NPAS3: variants seen among roughly 807,000 people sequenced by gnomAD.
NPAS3 encodes the protein neuronal PAS domain-containing protein 3.
Under a neutral mutation model 73.1 loss-of-function variants are expected in NPAS3, and 14 were observed. That is an observed-to-expected ratio of 0.19 (90% CI 0.13 to 0.30). The LOEUF is 0.30. NPAS3 is among the 10% of genes least tolerant of loss of function. The pLI is 1.00. For synonymous variants in NPAS3, 620 were observed against 541.5 expected (o/e 1.14, Z -2.01); for missense variants, 1,096 against 1,250.0 (o/e 0.88, Z 1.86).
chr14:33,195,764 T>C (rs2046330571), intron 2 of NPAS3, among the ~76,000 whole-genome samples: 1 of 152,228 alleles, frequency 6.6e-6, no homozygotes, highest in African/African-American at 2.4e-5. Context: ...TGATTTTGGT[T>C]AAGCCAGTTT....
rs151099881 is a variant in NPAS3, at chr14:33,799,801, C to T, written c.1494C>T (p.Pro498=). 1.7e-5 allele frequency: 28 copies of T among 1,612,788 alleles called. No individual in the cohort carries two copies. The Middle Eastern group carries it at 4.9e-4, about 28-fold the overall frequency. ...CCGAGAACAGCGAAGACCCGGAGCC[C>T]GACCGGAAGAAGTCGGGCAACGCGT... The change falls in exon 12 of 12, where the codon CCC becomes CCT. Residue 498 remains proline, a synonymous_variant. Transcript: ENST00000356141.
At chr14:33,265,650 G>T (rs905360188) in intron 3 of NPAS3, among the ~76,000 whole-genome samples, 1 of 152,168 alleles carries the variant, frequency 6.6e-6, no homozygotes, top group Non-Finnish European at 1.5e-5. Context: ...TGAGAAAAGT[G>T]AGGTGGAGAG....
At chr14:32,995,476 C>T (rs966974132) in intron 1 of NPAS3, among the ~76,000 whole-genome samples, 1 of 152,350 alleles carries the variant, frequency 6.6e-6, no homozygotes, top group South Asian at 2.1e-4. Context: ...GGGATGGCCT[C>T]TTTAAAAGCT....
intron 5 of NPAS3, among the ~76,000 whole-genome samples, chr14:33,589,675 A>G (rs2056994108): frequency 6.6e-6 from 1 of 151,980 alleles, no homozygotes; most frequent in African/African-American, 2.4e-5. Flanking sequence ...CCTTAATCAT[A>G]CTTGAAAAAA....
intron 2 of NPAS3, among the ~76,000 whole-genome samples, chr14:33,161,589 T>C (rs771479229): frequency 1.3e-5 from 2 of 152,326 alleles, no homozygotes; most frequent in South Asian, 2.1e-4. Context: ...ACTGGTTCTG[T>C]AGTCTTAAAG....
chr14:33,602,404 A>G (rs2057426542), intron 5 of NPAS3, among the ~76,000 whole-genome samples: 1 of 152,206 alleles, frequency 6.6e-6, no homozygotes, highest in South Asian at 2.1e-4. Flanking sequence ...TGTTATCAGG[A>G]GTAGAAGTCT....
In NPAS3 at chr14:33,478,224, T is replaced by C. The variant is rs146463801; in HGVS notation, c.469-81897T>C. 8.3e-4 allele frequency among the ~76,000 whole-genome samples: 126 copies of C among 152,302 alleles called. 1 individual carries two copies. The highest frequency in any genetic ancestry group is 2.9e-3 in the African/African-American group (122 of 41,562). ...ATGGATTTTGCACCACTTTAAGCACTAATAACATTAAATCAACCTTAATAC... is the reference window on the plus strand; with the variant it reads ...ATGGATTTTGCACCACTTTAAGCACCAATAACATTAAATCAACCTTAATAC... On this transcript the variant is annotated intron_variant, in intron 4 of 11. Coordinates refer to ENST00000356141, the Ensembl canonical transcript of NPAS3.
intron 6 of NPAS3, among the ~76,000 whole-genome samples, chr14:33,711,248 G>A (rs1301065745): frequency 6.6e-6 from 1 of 152,070 alleles, no homozygotes; most frequent in African/African-American, 2.4e-5. Context: ...AGGTGACAGG[G>A]AAAAAAATCT....
At chr14:33,574,467 C>T (rs1161757331) in intron 5 of NPAS3, among the ~76,000 whole-genome samples, 1 of 152,138 alleles carries the variant, frequency 6.6e-6, no homozygotes, top group Non-Finnish European at 1.5e-5. Flanking sequence ...CATTGGCTAG[C>T]GCCCATGAAG....
intron 7 of NPAS3, among the ~76,000 whole-genome samples, chr14:33,764,334 G>T (rs2062391838): frequency 6.6e-6 from 1 of 152,154 alleles, no homozygotes; most frequent in South Asian, 2.1e-4. Flanking sequence ...CAAACAAAGA[G>T]AAACAAAGTT....
chr14:33,281,248 T>G (rs1279808636), intron 3 of NPAS3, among the ~76,000 whole-genome samples: 1 of 152,218 alleles, frequency 6.6e-6, no homozygotes, highest in African/African-American at 2.4e-5. Flanking sequence ...ATGGTAGATT[T>G]CTTAGATTTC....
intron 7 of NPAS3, among the ~76,000 whole-genome samples, chr14:33,746,883 A>G (rs1005650346): frequency 1.3e-5 from 2 of 149,344 alleles, no homozygotes; most frequent in Admixed American, 1.3e-4. Context: ...TCCCAATGCT[A>G]TCCCTCCCCC....
chr14:33,132,972 T>A (rs1191927012), intron 2 of NPAS3, among the ~76,000 whole-genome samples: 1 of 152,172 alleles, frequency 6.6e-6, no homozygotes, highest in Non-Finnish European at 1.5e-5. Context: ...ACAACTAATA[T>A]CATAGTACCA....
At chr14:33,558,606 G>T in intron 4 of NPAS3, among the ~76,000 whole-genome samples, 1 of 151,762 alleles carries the variant, frequency 6.6e-6, no homozygotes, top group Non-Finnish European at 1.5e-5. Flanking sequence ...ATATATGTGT[G>T]TGCATCTGTA....
At chr14:33,125,965 A>G (rs1314200143) in intron 2 of NPAS3, among the ~76,000 whole-genome samples, 2 of 152,156 alleles carry the variant, frequency 1.3e-5, no homozygotes, top group Non-Finnish European at 2.9e-5. Context: ...TTTGAACACA[A>G]ATGGCAGTTG....
chr14:33,155,909 C>G (rs2044630083), intron 2 of NPAS3, among the ~76,000 whole-genome samples: 1 of 152,212 alleles, frequency 6.6e-6, no homozygotes, highest in Non-Finnish European at 1.5e-5. Flanking sequence ...AGACTACTCT[C>G]TCTTCAGATG....
chr14:33,038,009 T>C (rs941869057), intron 1 of NPAS3, among the ~76,000 whole-genome samples: 6 of 152,192 alleles, frequency 3.9e-5, no homozygotes, highest in African/African-American at 1.4e-4. Context: ...CCTGCCTGTG[T>C]GTAGATTCTT....
intron 3 of NPAS3, among the ~76,000 whole-genome samples, chr14:33,354,971 G>C (rs1376556526): frequency 6.6e-6 from 1 of 152,076 alleles, no homozygotes; most frequent in African/African-American, 2.4e-5. Flanking sequence ...GCACACACAC[G>C]TGCTCATGTC....
At chr14:33,631,510 T>C (rs185558994) in intron 5 of NPAS3, among the ~76,000 whole-genome samples, 97 of 152,266 alleles carry the variant, frequency 6.4e-4, no homozygotes, top group Non-Finnish European at 1.2e-3. Context: ...TATTGACAGG[T>C]CAAGTACAGC....
Sources: allele counts gnomAD v4.1 joint callset (sites outside exome capture counted in the v4.1 genomes callset), GRCh38; gene constraint gnomAD v4.1.1; transcripts MANE v1.5; gene names NCBI Gene and HGNC (gene_info 2026-07-23, HGNC 2026-07-21).